Variants in UBASH3A observed in about 807,000 individuals in gnomAD.
UBASH3A encodes ubiquitin-associated and SH3 domain-containing protein A.
UBASH3A carries 63 observed loss-of-function variants against 73.5 expected under a neutral mutation model. The ratio of observed to expected loss-of-function variants is 0.86; its 90% CI spans 0.70 to 1.06. The LOEUF (loss-of-function observed/expected upper bound fraction) is 1.06, where lower values mean the gene tolerates loss of function less well. UBASH3A is among the 50% of genes least tolerant of loss of function. UBASH3A has a pLI of 0.00. For missense variants in UBASH3A, 860 were observed against 859.0 expected, an observed-to-expected ratio of 1.00 and a Z score of -0.02; for synonymous variants, 363 against 351.1, an observed-to-expected ratio of 1.03 and a Z score of -0.38.
chr21:42,441,165 T>A (rs905828850), intron 11 of UBASH3A, among the ~76,000 whole-genome samples: 1 of 152,186 alleles, frequency 6.6e-6, no homozygotes, highest in Non-Finnish European at 1.5e-5. Flanking sequence ...TTACAAGGCC[T>A]CAGACATGAT....
intron 7 of UBASH3A, among the ~76,000 whole-genome samples, chr21:42,425,514 C>T (rs2053419048): frequency 1.3e-5 from 2 of 152,242 alleles, no homozygotes; most frequent in African/African-American, 4.8e-5. Flanking sequence ...GAAGAGGAAA[C>T]TGTCGATTGT....
chr21:42,411,846 C>T (rs9981704), intron 3 of UBASH3A, among the ~76,000 whole-genome samples: 24,764 of 152,204 alleles, frequency 0.16, 2,516 homozygotes, highest in Middle Eastern at 0.24. Flanking sequence ...CAATGTGAGA[C>T]GGATTCAGGA....
rs77455807 is a variant in UBASH3A at position 42,407,667 on chromosome 21, C to T, written c.167+1306C>T. ...AGGGTGAGGGAAGCAGGGCCTCACA[C>T]GTCACTGGTGTCACTGAGGAAGGCA... On this transcript the variant is annotated intron_variant, in intron 2 of 14. Coordinates refer to ENST00000319294, the MANE Select transcript of UBASH3A (RefSeq NM_018961.4). Among the ~76,000 whole-genome samples the T allele has an allele frequency of 3.9e-5, 6 of 152,330 alleles. No individual in the cohort carries two copies. In the East Asian group the frequency reaches 7.7e-4, roughly 20 times the overall value.
At chr21:42,424,984 G>A (rs889402540) in intron 7 of UBASH3A, among the ~76,000 whole-genome samples, 1 of 152,158 alleles carries the variant, frequency 6.6e-6, no homozygotes, top group Non-Finnish European at 1.5e-5. Flanking sequence ...CAGCCTCAAT[G>A]GTGGCTTGAC....
intron 6 of UBASH3A, among the ~76,000 whole-genome samples, 185 bp downstream of exon 6, chr21:42,416,796 G>A (rs563195840): frequency 7.2e-5 from 11 of 152,314 alleles, no homozygotes; most frequent in East Asian, 1.9e-4. Flanking sequence ...AGCCAGGCAC[G>A]GCGGCGGGCA....
chr21:42,406,446 C>A, intron 2 of UBASH3A, 85 bp downstream of exon 2: 2 of 1,203,132 alleles, frequency 1.7e-6, no homozygotes, highest in Non-Finnish European at 2.5e-6. Flanking sequence ...GGGCTGATAC[C>A]AGGAAGAGCC....
chr21:42,434,738 T>A (rs777718616), intron 9 of UBASH3A, 94 bp from the exon 10 acceptor site: 16 of 1,325,400 alleles, frequency 1.2e-5, no homozygotes, highest in Non-Finnish European at 1.7e-5. Context: ...ATAATAACAT[T>A]GCTGTTAGAG....
chr21:42,442,407 G>C, intron 11 of UBASH3A, 45 bp from the exon 12 acceptor site: 1 of 1,601,212 alleles, frequency 6.2e-7, no homozygotes, highest in Non-Finnish European at 8.5e-7. Flanking sequence ...GCAAAGTCAG[G>C]GTGGATGTTG....
chr21:42,428,582 G>A (rs73905658), intron 8 of UBASH3A, among the ~76,000 whole-genome samples: 1,732 of 152,168 alleles, frequency 0.011, 36 homozygotes, highest in African/African-American at 0.04. Context: ...GTAAAACAGA[G>A]ACCATTCTGT....
intron 7 of UBASH3A, among the ~76,000 whole-genome samples, chr21:42,422,621 C>T (rs1272386694): frequency 6.6e-6 from 1 of 151,970 alleles, no homozygotes; most frequent in African/African-American, 2.4e-5. Context: ...AAAATAAGTC[C>T]ATAAATTAAA....
chr21:42,408,053 A>T (rs914046511), intron 2 of UBASH3A, among the ~76,000 whole-genome samples: 2 of 152,242 alleles, frequency 1.3e-5, no homozygotes, highest in East Asian at 3.8e-4. Context: ...AACAAGTGCT[A>T]TCTATAAGTC....
chr21:42,416,601 T>C lies in UBASH3A; in HGVS notation c.827T>C (p.Val276Ala). The change falls in exon 6 of 15, where the codon GTG becomes GCG. Residue 276 changes from valine (V) to alanine (A), a missense_variant. Coordinates refer to ENST00000319294, the MANE Select transcript of UBASH3A (RefSeq NM_018961.4). The stretch of plus-strand genomic sequence containing the variant: ...CTCTACTCCCGAGACATGCGCTTTG[T>C]GCACTACCAGGTGAGAGAGCTGAGC... Reference protein sequence around the residue: ...AALYSRDMRFVHYQTLRALFQ... With the variant: ...AALYSRDMRFAHYQTLRALFQ... 1 of 1,587,114 alleles carries C rather than the reference T, an allele frequency of 6.3e-7. No homozygotes were observed.
intron 3 of UBASH3A, chr21:42,410,332 C>A: frequency 1.7e-6 from 1 of 595,268 alleles, no homozygotes; most frequent in Non-Finnish European, 3.0e-6. Context: ...TCTGCTACCG[C>A]GGCCTGGCCC....
intron 9 of UBASH3A, 42 bp from the exon 10 acceptor site, chr21:42,434,790 A>G: frequency 6.3e-7 from 1 of 1,596,784 alleles, no homozygotes; most frequent in Non-Finnish European, 8.5e-7. Context: ...AATCTGTACT[A>G]ACTTGATGAA....
rs1420346123 is a variant in UBASH3A at position 42,426,823 on chromosome 21, A to C, written c.1170+3A>C. 1.2e-6 allele frequency: 2 copies of C among 1,612,838 alleles called. No individual in the cohort carries two copies. Among genetic ancestry groups the C allele is most frequent in the Middle Eastern group, 1.7e-4 (1 of 6,048 alleles). ...TTAGCAGCTTACAGGCCTTGCAGGTAATAGAACATTCCCTTTTTTCTTTTA... is the reference window on the plus strand; with the variant it reads ...TTAGCAGCTTACAGGCCTTGCAGGTCATAGAACATTCCCTTTTTTCTTTTA... On this transcript the variant is annotated splice_donor_region_variant and intron_variant, in intron 8 of 14. Transcript: ENST00000319294.
chr21:42,430,880 T>C (rs111973734), intron 8 of UBASH3A, among the ~76,000 whole-genome samples: 5,863 of 151,998 alleles, frequency 0.039, 122 homozygotes, highest in African/African-American at 0.052. Context: ...TGCTGCAGGG[T>C]TCCCCACCTC....
intron 6 of UBASH3A, 43 bp from the exon 7 acceptor site, chr21:42,418,358 A>T (rs967322460): frequency 6.3e-7 from 1 of 1,576,236 alleles, no homozygotes. Context: ...TTTCCAATGT[A>T]AATCTTTGCT....
intron 7 of UBASH3A, among the ~76,000 whole-genome samples, chr21:42,419,331 T>C (rs1264734945): frequency 2.0e-5 from 3 of 152,226 alleles, no homozygotes; most frequent in Non-Finnish European, 4.4e-5. Flanking sequence ...CTTCCCTCAA[T>C]TTATCTCTTT....
chr21:42,438,911 A>G (rs565291327), intron 11 of UBASH3A, among the ~76,000 whole-genome samples: 1 of 152,114 alleles, frequency 6.6e-6, no homozygotes, highest in Admixed American at 6.5e-5. Flanking sequence ...CATCCCGCAG[A>G]TGGTGGTCTT....
Sources: allele counts gnomAD v4.1 joint callset (sites outside exome capture counted in the v4.1 genomes callset), GRCh38; gene constraint gnomAD v4.1.1; transcripts MANE v1.5; gene names NCBI Gene and HGNC (gene_info 2026-07-23, HGNC 2026-07-21).